Variants in SLC9C1 observed in about 807,000 individuals in gnomAD.
SLC9C1 encodes solute carrier family 9 member C1.
A neutral mutation model predicts 140.9 loss-of-function variants in SLC9C1; 97 were observed. The observed-to-expected ratio is 0.69, with a 90% CI of 0.58 to 0.82. SLC9C1 has a LOEUF of 0.82. Among genes scored for constraint, SLC9C1 ranks in the 40% least tolerant of loss-of-function variants. The pLI is 0.00. For missense variants in SLC9C1, 1,340 were observed against 1,389.3 expected (o/e 0.96, Z 0.56); for synonymous variants, 440 against 442.6 (o/e 0.99, Z 0.07).
intron 2 of SLC9C1, among the ~76,000 whole-genome samples, chr3:112,284,176 C>T (rs1406356534): frequency 6.6e-6 from 1 of 152,186 alleles, no homozygotes; most frequent in Non-Finnish European, 1.5e-5. Flanking sequence ...AATTGTAATA[C>T]AAACCTATTT....
chr3:112,145,020 G>A (rs1283426624), intron 28 of SLC9C1, among the ~76,000 whole-genome samples: 2 of 152,108 alleles, frequency 1.3e-5, no homozygotes, highest in African/African-American at 4.8e-5. Flanking sequence ...TCTTGTTCCA[G>A]TTCTCAAAGG....
chr3:112,165,925 G>T (rs990637476), intron 26 of SLC9C1, among the ~76,000 whole-genome samples: 1 of 152,204 alleles, frequency 6.6e-6, no homozygotes, highest in Admixed American at 6.5e-5. Context: ...CACCCAGTTC[G>T]ATCTTCCTGG....
chr3:112,230,437 C>A (rs1379094434), intron 13 of SLC9C1, among the ~76,000 whole-genome samples: 1 of 152,122 alleles, frequency 6.6e-6, no homozygotes, highest in African/African-American at 2.4e-5. Context: ...GATAGCAATA[C>A]CTAATTTGGT....
chr3:112,228,383 T>C (rs1000107097), intron 13 of SLC9C1, among the ~76,000 whole-genome samples: 2 of 151,968 alleles, frequency 1.3e-5, no homozygotes, highest in Admixed American at 1.3e-4. Context: ...CTCCTTTATA[T>C]GAAAATAAAC....
intron 10 of SLC9C1, among the ~76,000 whole-genome samples, chr3:112,250,283 G>C (rs1352410659): frequency 2.0e-5 from 3 of 151,770 alleles, no homozygotes; most frequent in Non-Finnish European, 2.9e-5. Flanking sequence ...TGGTGTATAT[G>C]TGCCACATTT....
intron 11 of SLC9C1, 83 bp downstream of exon 11, chr3:112,243,912 G>T: frequency 9.9e-7 from 1 of 1,009,830 alleles, no homozygotes; most frequent in Non-Finnish European, 1.4e-6. Flanking sequence ...GGCTGTATAT[G>T]GATTCTTTCT....
chr3:112,207,383 TG>T (rs1338464962), intron 16 of SLC9C1, among the ~76,000 whole-genome samples: 1 of 152,218 alleles, frequency 6.6e-6, no homozygotes, highest in Non-Finnish European at 1.5e-5. Flanking sequence ...TCTACGGCTC[TG>T]GATAAAATCT....
intron 20 of SLC9C1, chr3:112,185,400 G>C: frequency 1.1e-6 from 1 of 946,064 alleles, no homozygotes; most frequent in Non-Finnish European, 1.6e-6. Context: ...GGATGGGGAA[G>C]CTGAAAGAGG....
Position 112,277,773 on chromosome 3 carries a change from G to C in SLC9C1, c.406C>G (p.Pro136Ala). ...LASVNQLLLK[P>A]TQWLLFSAIL... ...GCTGAAAATAATAACCATTGGGTAG[G>C]CTTCAAAAGTAATTGATTTACAGAT... Residue 136 changes from proline to alanine, a missense_variant, in exon 5 of 29, where the codon CCT becomes GCT. Physicochemically the swap from Pro to Ala is conservative, Grantham distance 27. Transcript: ENST00000305815. The C allele has an allele frequency of 6.2e-7, 1 of 1,612,672 alleles. No individual in the cohort carries two copies. Among genetic ancestry groups the C allele is most frequent in the East Asian group, 2.2e-5 (1 of 44,824 alleles).
At chr3:112,209,790 C>G (rs1370002851) in intron 15 of SLC9C1, among the ~76,000 whole-genome samples, 1 of 152,080 alleles carries the variant, frequency 6.6e-6, no homozygotes. Context: ...TAACCTAAAA[C>G]TTGCGTGCTC....
At chr3:112,170,343 A>C (rs1242730097) in intron 23 of SLC9C1, among the ~76,000 whole-genome samples, 1 of 152,208 alleles carries the variant, frequency 6.6e-6, no homozygotes, top group African/African-American at 2.4e-5. Context: ...GTGGTATCTC[A>C]TTGTAGTTTT....
Position 112,167,320 on chromosome 3 carries a change from C to T in SLC9C1, c.3265G>A (p.Val1089Ile). 1 of 1,603,008 alleles carries T rather than the reference C, an allele frequency of 6.2e-7. No homozygotes were observed. The highest frequency in any genetic ancestry group is 8.5e-7 in the Non-Finnish European group (1 of 1,175,860). ...QIQSIEDFTKVVIIQTPINMK... is the reference protein window; with the variant it reads ...QIQSIEDFTKIVIIQTPINMK... ...TTAATCGGAGTTTGAATAATCACTA[C>T]TTTTGTGAAATCTTCAATACTTTGT... The change falls in exon 26 of 29, where the codon GTA becomes ATA. Residue 1089 changes from valine (V) to isoleucine (I), a missense_variant. Transcript: ENST00000305815.
chr3:112,192,984 G>T (rs1199181696), intron 20 of SLC9C1, among the ~76,000 whole-genome samples: 1 of 152,088 alleles, frequency 6.6e-6, no homozygotes, highest in Non-Finnish European at 1.5e-5. Context: ...GTTTCATAGG[G>T]AAAGACTTAT....
At chr3:112,207,738 A>T (rs2078095090) in intron 16 of SLC9C1, among the ~76,000 whole-genome samples, 1 of 152,092 alleles carries the variant, frequency 6.6e-6, no homozygotes, top group Non-Finnish European at 1.5e-5. Flanking sequence ...TTTCCCTTGA[A>T]TACCTTCCTT....
At chr3:112,156,671 G>C (rs1208464680) in intron 26 of SLC9C1, among the ~76,000 whole-genome samples, 2 of 151,584 alleles carry the variant, frequency 1.3e-5, no homozygotes, top group Non-Finnish European at 2.9e-5. Context: ...CCCTTTCTTG[G>C]TGTATTTGCC....
chr3:112,271,763 G>A (rs548038374), intron 6 of SLC9C1, among the ~76,000 whole-genome samples: 1 of 152,258 alleles, frequency 6.6e-6, no homozygotes, highest in African/African-American at 2.4e-5. Flanking sequence ...AAAGAGGAGT[G>A]TCTCTAGGCC....
intron 10 of SLC9C1, among the ~76,000 whole-genome samples, chr3:112,260,490 G>A (rs1464482672): frequency 6.6e-6 from 1 of 151,906 alleles, no homozygotes; most frequent in Non-Finnish European, 1.5e-5. Flanking sequence ...CACATGCATA[G>A]TAATATTAGA....
chr3:112,154,996 C>T lies in SLC9C1; in HGVS notation c.3417+1G>A. The T allele has an allele frequency of 6.2e-7, 1 of 1,610,454 alleles. No homozygotes were observed. The highest frequency in any genetic ancestry group is 8.5e-7 in the Non-Finnish European group (1 of 1,178,774). On this transcript the variant is annotated splice_donor_variant, in intron 27 of 28. Transcript: ENST00000305815. LOFTEE classifies it high-confidence loss of function. ...TTTTAGAAAGGCTGCTTTAAATTTA[C>T]CTCCTTAACATTTCTTTCTTCTTGA...
At chr3:112,152,637 G>A (rs2075018922) in intron 27 of SLC9C1, among the ~76,000 whole-genome samples, 1 of 152,124 alleles carries the variant, frequency 6.6e-6, no homozygotes, top group African/African-American at 2.4e-5. Flanking sequence ...CATATCTCAG[G>A]CTGTCTCAGT....
Sources: allele counts gnomAD v4.1 joint callset (sites outside exome capture counted in the v4.1 genomes callset), GRCh38; gene constraint gnomAD v4.1.1; transcripts MANE v1.5; gene names NCBI Gene and HGNC (gene_info 2026-07-23, HGNC 2026-07-21).